KCNN2: variants seen among roughly 807,000 people sequenced by gnomAD.
KCNN2 encodes the protein small conductance calcium-activated potassium channel protein 2.
In KCNN2, 24 loss-of-function variants were observed where a neutral mutation model predicts 55.5. That is an observed-to-expected ratio of 0.43 (90% CI 0.31 to 0.61). KCNN2 has a LOEUF of 0.61. Among genes scored for constraint, KCNN2 ranks in the 20% least tolerant of loss-of-function variants. The probability of loss-of-function intolerance (pLI) is 0.08; values close to 1 mark genes in which losing one functional copy is unlikely to be tolerated. For synonymous variants in KCNN2, 431 were observed against 336.1 expected, an observed-to-expected ratio of 1.28 and a Z score of -3.09; for missense variants, 754 against 853.6, an observed-to-expected ratio of 0.88 and a Z score of 1.45.
intron 2 of KCNN2, among the ~76,000 whole-genome samples, chr5:114,289,271 A>G (rs1755833151): frequency 6.6e-6 from 1 of 152,104 alleles, no homozygotes; most frequent in Non-Finnish European, 1.5e-5. Context: ...AATCACAAGT[A>G]CAGGTCCTCC....
chr5:114,331,510 A>G (rs1252516039), intron 2 of KCNN2, among the ~76,000 whole-genome samples: 1 of 150,988 alleles, frequency 6.6e-6, no homozygotes, highest in Non-Finnish European at 1.5e-5. Context: ...CTAACATAGA[A>G]TTTGTAGTGT....
At chr5:114,233,942 T>C (rs1189062075) in intron 2 of KCNN2, among the ~76,000 whole-genome samples, 2 of 152,164 alleles carry the variant, frequency 1.3e-5, no homozygotes, top group African/African-American at 4.8e-5. Flanking sequence ...AGCTTTTCTT[T>C]TATATATACT....
chr5:114,375,794 A>T (rs951026060), intron 2 of KCNN2, among the ~76,000 whole-genome samples: 1 of 151,920 alleles, frequency 6.6e-6, no homozygotes, highest in African/African-American at 2.4e-5. Flanking sequence ...AGCATGGGTG[A>T]TACAAAGAGA....
chr5:114,479,983 A>G (rs1276238261), intron 5 of KCNN2, among the ~76,000 whole-genome samples: 1 of 152,134 alleles, frequency 6.6e-6, no homozygotes, highest in Admixed American at 6.6e-5. Context: ...AACAAACCCC[A>G]AAGATAGCAG....
intron 1 of KCNN2, among the ~76,000 whole-genome samples, chr5:114,072,530 G>A (rs1750597537): frequency 6.6e-6 from 1 of 152,178 alleles, no homozygotes; most frequent in South Asian, 2.1e-4. Context: ...CAAAGTAAAA[G>A]TATTACTTTT....
intron 1 of KCNN2, among the ~76,000 whole-genome samples, chr5:114,096,269 A>G (rs1348919201): frequency 6.6e-6 from 1 of 152,210 alleles, no homozygotes; most frequent in Non-Finnish European, 1.5e-5. Flanking sequence ...ACTGCTTAAC[A>G]CATAATATCA....
chr5:114,160,495 A>G (rs1225481487), intron 1 of KCNN2, among the ~76,000 whole-genome samples: 1 of 152,080 alleles, frequency 6.6e-6, no homozygotes, highest in Non-Finnish European at 1.5e-5. Context: ...TTTGGGGTGG[A>G]GAGTTCTGTA....
chr5:114,386,944 A>G (rs1172105501), intron 2 of KCNN2, among the ~76,000 whole-genome samples: 2 of 152,182 alleles, frequency 1.3e-5, no homozygotes, highest in Non-Finnish European at 1.5e-5. Context: ...TCCTACCTTT[A>G]GGATGCTGTA....
rs1554073796 is a variant in KCNN2, at chr5:114,189,150, G to GTGTGTGTGTGTA, written c.-270-32325_-270-32324insGTGTGTATGTGT. ...GAACCAATAGTGTGTGTGTGTGTGT[G>GTGTGTGTGTGTA]TGTGTATGTGTGTGTGTGTGTAAAG... is the stretch of plus-strand genomic sequence containing the variant. On this transcript the variant is annotated intron_variant, in intron 1 of 10. Transcript: ENST00000512097. Among the ~76,000 whole-genome samples, 52 of 151,704 alleles carry GTGTGTGTGTGTA rather than the reference G, an allele frequency of 3.4e-4. 1 individual carries two copies. Among genetic ancestry groups the GTGTGTGTGTGTA allele is most frequent in the South Asian group, 1.5e-3 (7 of 4,768 alleles).
chr5:114,340,918 TA>T (rs1757004521), intron 2 of KCNN2, among the ~76,000 whole-genome samples: 1 of 152,210 alleles, frequency 6.6e-6, no homozygotes, highest in Non-Finnish European at 1.5e-5. Flanking sequence ...ATTCCACATA[TA>T]AGTAAGGTCA....
chr5:114,256,453 A>G (rs951205392), intron 2 of KCNN2, among the ~76,000 whole-genome samples: 1 of 152,214 alleles, frequency 6.6e-6, no homozygotes, highest in Admixed American at 6.5e-5. Flanking sequence ...AGAAATCTCC[A>G]TACTGTTGTC....
intron 1 of KCNN2, among the ~76,000 whole-genome samples, chr5:114,137,272 A>G (rs1374532168): frequency 1.3e-5 from 2 of 152,166 alleles, no homozygotes; most frequent in African/African-American, 4.8e-5. Context: ...TTAAAAAATA[A>G]TAGTCAACCC....
At chr5:114,482,863 A>G (rs1762286007) in intron 5 of KCNN2, among the ~76,000 whole-genome samples, 1 of 152,142 alleles carries the variant, frequency 6.6e-6, no homozygotes, top group Non-Finnish European at 1.5e-5. Context: ...GGAACAGCAC[A>G]CACTGAAACC....
At chr5:114,388,194 T>C (rs1290786010) in intron 2 of KCNN2, among the ~76,000 whole-genome samples, 1 of 152,218 alleles carries the variant, frequency 6.6e-6, no homozygotes, top group African/African-American at 2.4e-5. Flanking sequence ...TTTGTACTTA[T>C]TTCTGACATT....
chr5:114,484,929 C>G (rs893096029), intron 5 of KCNN2, among the ~76,000 whole-genome samples: 8 of 152,084 alleles, frequency 5.3e-5, no homozygotes, highest in Non-Finnish European at 1.0e-4. Context: ...AATAGAAAGC[C>G]TGTAACATAA....
rs1055469045 is a variant in KCNN2, at chr5:114,285,919, T to C, written c.-185+64354T>C. ...TGAGGCACCTACAATTTGGGAAGCT[T>C]TTTTTTTTTTTTTTTCTCTGACGGA... is the stretch of plus-strand genomic sequence containing the variant. On this transcript the variant is annotated intron_variant, in intron 2 of 10. Transcript: ENST00000512097. Among the ~76,000 whole-genome samples, 5 of 1,042 alleles carry C rather than the reference T, an allele frequency of 4.8e-3. No individual in the cohort carries two copies. The Admixed American group carries it at 0.12, about 26-fold the overall frequency. The allele number at this position is 1,042 out of a possible 152,430, so 0.7% of individuals were successfully genotyped here.
At chr5:114,267,440 T>A (rs1561546881) in intron 2 of KCNN2, among the ~76,000 whole-genome samples, 1 of 152,114 alleles carries the variant, frequency 6.6e-6, no homozygotes, top group Non-Finnish European at 1.5e-5. Flanking sequence ...GGGGAACTTT[T>A]GAGTATCAGT....
intron 3 of KCNN2, among the ~76,000 whole-genome samples, chr5:114,442,757 G>A (rs1760264139): frequency 6.6e-6 from 1 of 152,186 alleles, no homozygotes; most frequent in South Asian, 2.1e-4. Flanking sequence ...GGATATGTAA[G>A]AGAGGGATGG....
At chr5:114,189,347 T>C (rs184006199) in intron 1 of KCNN2, among the ~76,000 whole-genome samples, 25 of 152,186 alleles carry the variant, frequency 1.6e-4, no homozygotes, top group African/African-American at 5.5e-4. Context: ...CAGGAGGGGA[T>C]TGATGTCCCA....
Sources: allele counts gnomAD v4.1 joint callset (sites outside exome capture counted in the v4.1 genomes callset), GRCh38; gene constraint gnomAD v4.1.1; transcripts MANE v1.5; gene names NCBI Gene and HGNC (gene_info 2026-07-23, HGNC 2026-07-21).